THOC2: variants seen among roughly 807,000 people sequenced by gnomAD.
THOC2 encodes the protein THO complex subunit 2.
In THOC2, 10 loss-of-function variants were observed where a neutral mutation model predicts 128.4. That is an observed-to-expected ratio of 0.08 (90% CI 0.05 to 0.13). THOC2 has a LOEUF of 0.13. THOC2 is among the 10% of genes least tolerant of loss of function. The probability of loss-of-function intolerance (pLI) is 1.00; values close to 1 mark genes in which losing one functional copy is unlikely to be tolerated. For synonymous variants in THOC2, 393 were observed against 396.9 expected (o/e 0.99, Z 0.12); for missense variants, 535 against 1,155.7 (o/e 0.46, Z 7.79).
chrX:123,719,770 C>CA (rs1290372100), intron 1 of THOC2, among the ~76,000 whole-genome samples: 1,106 of 76,056 alleles, frequency 0.015, 12 homozygotes, highest in Middle Eastern at 0.03. Context: ...CCTGTCTCTA[C>CA]AAAAAAAAAA....
intron 15 of THOC2, among the ~76,000 whole-genome samples, chrX:123,642,296 G>GCA (rs2047954029): frequency 9.1e-6 from 1 of 109,768 alleles, no homozygotes; most frequent in South Asian, 4.0e-4. Context: ...TTGGTGGCAG[G>GCA]CGCCTGTAAT....
chrX:123,607,225 A>G (rs973456785), intron 38 of THOC2, among the ~76,000 whole-genome samples: 4 of 110,961 alleles, frequency 3.6e-5, no homozygotes, highest in African/African-American at 6.6e-5. Context: ...AGACGAGAAA[A>G]GATGACAGAA....
intron 4 of THOC2, among the ~76,000 whole-genome samples, chrX:123,701,559 G>T (rs1344997533): frequency 9.0e-6 from 1 of 110,575 alleles, no homozygotes; most frequent in Non-Finnish European, 1.9e-5. Flanking sequence ...ATTACCCAAA[G>T]AAAGATATAC....
At position 123,642,883 on chromosome X, in the gene THOC2, T is replaced by C. The variant is rs139489856; in HGVS notation, c.1661+1692A>G. ...AGTAGATGGAGGATGGAGTGAGACT[T>C]TTTGCTGTATTTATACCTTTTATAT... On this transcript the variant is annotated intron_variant, in intron 15 of 38. Transcript: ENST00000245838. Among the ~76,000 whole-genome samples, 864 of 111,093 alleles carry C rather than the reference T, an allele frequency of 7.8e-3. 5 individuals are homozygous for C. The highest frequency in any genetic ancestry group is 0.026 in the African/African-American group (805 of 30,544).
At chrX:123,718,449 C>G (rs748019113) in intron 1 of THOC2, among the ~76,000 whole-genome samples, 1 of 111,815 alleles carries the variant, frequency 8.9e-6, no homozygotes, top group East Asian at 2.8e-4. Context: ...AATGGGATTA[C>G]ATCAAACAAA....
At chrX:123,634,910 C>A (rs1402350205) in intron 19 of THOC2, among the ~76,000 whole-genome samples, 1 of 111,953 alleles carries the variant, frequency 8.9e-6, no homozygotes, top group Non-Finnish European at 1.9e-5. Context: ...GAAATAATAC[C>A]TTATGTCCTC....
At chrX:123,633,458 G>A (rs764493204) in intron 20 of THOC2, among the ~76,000 whole-genome samples, 8 of 111,100 alleles carry the variant, frequency 7.2e-5, no homozygotes, top group Non-Finnish European at 1.5e-4. Flanking sequence ...AATGGAGTAC[G>A]ATGGCGAGAT....
At chrX:123,645,195 C>T (rs1042988911) in intron 13 of THOC2, 139 bp downstream of exon 13, 5 of 464,854 alleles carry the variant, frequency 1.1e-5, no homozygotes, top group Admixed American at 5.0e-5. Context: ...TTTGCATATG[C>T]CGCCAAAAAC....
At chrX:123,609,053 C>T (rs1035035719) in intron 38 of THOC2, among the ~76,000 whole-genome samples, 9 of 112,090 alleles carry the variant, frequency 8.0e-5, no homozygotes, top group Non-Finnish European at 1.7e-4. Flanking sequence ...TATTTGGGTA[C>T]TGAGTAAACA....
chrX:123,655,726 G>A (rs189857595), intron 12 of THOC2, among the ~76,000 whole-genome samples: 11 of 110,681 alleles, frequency 9.9e-5, no homozygotes, highest in Admixed American at 1.9e-4. Flanking sequence ...TATTCTGCCT[G>A]CCTAATTTCA....
At chrX:123,694,721 A>G (rs1260629981) in intron 7 of THOC2, among the ~76,000 whole-genome samples, 1 of 112,431 alleles carries the variant, frequency 8.9e-6, no homozygotes, top group East Asian at 2.8e-4. Flanking sequence ...AGAGTCCCAC[A>G]GCCCTAGGGG....
Position 123,627,819 on chromosome X carries a change from G to A in THOC2, c.2631C>T (p.Ser877=). Residue 877 remains serine (S), a synonymous_variant, in exon 23 of 39, where the codon AGC becomes AGT. Coordinates refer to ENST00000245838, the MANE Select transcript of THOC2 (RefSeq NM_001081550.2). ...LHVSKVWDDI[S]PQFYATFWSL... ...ACCAGAATGTAGCATAGAATTGAGG[G>A]CTGATGTCATCCCAGACTTTGGAAA... 1.7e-6 allele frequency: 2 copies of A among 1,211,712 alleles called. No homozygotes were observed. The highest frequency in any genetic ancestry group is 1.1e-6 in the Non-Finnish European group (1 of 895,450).
In THOC2 at chrX:123,607,448, A is replaced by G. The variant is rs1373611595; in HGVS notation, c.*18+3470T>C. Among the ~76,000 whole-genome samples the G allele has an allele frequency of 6.0e-5, 3 of 50,280 alleles. No individual in the cohort carries two copies. In the East Asian group the frequency reaches 4.7e-3, roughly 79 times the overall value. The allele number at this position is 50,280 out of a possible 115,157, so 43.7% of individuals were successfully genotyped here. On this transcript the variant is annotated intron_variant, in intron 38 of 38. Coordinates refer to ENST00000245838, the MANE Select transcript of THOC2 (RefSeq NM_001081550.2). Reference sequence around the variant, plus strand: ...ATACTACCATGCCTAGCTAAGTTTTATTTATTTATTTATTTATTTATTTAT... The same window carrying G: ...ATACTACCATGCCTAGCTAAGTTTTGTTTATTTATTTATTTATTTATTTAT...
At chrX:123,674,424 T>A (rs2049400669) in intron 8 of THOC2, among the ~76,000 whole-genome samples, 1 of 112,256 alleles carries the variant, frequency 8.9e-6, no homozygotes, top group Admixed American at 9.5e-5. Flanking sequence ...TATGTTTCCA[T>A]ACTTTCAGTT....
At chrX:123,626,807 T>A in intron 23 of THOC2, 145 bp from the exon 24 acceptor site, 1 of 497,470 alleles carries the variant, frequency 2.0e-6, no homozygotes, top group Non-Finnish European at 3.1e-6. Context: ...TACTTTTATC[T>A]CCATTCAACA....
At chrX:123,672,826 T>C (rs1215679550) in intron 8 of THOC2, among the ~76,000 whole-genome samples, 2 of 112,382 alleles carry the variant, frequency 1.8e-5, no homozygotes, top group African/African-American at 6.5e-5. Flanking sequence ...TGGCCAAATG[T>C]AAATAAAAAG....
At position 123,627,825 on chromosome X, in the gene THOC2, G is replaced by A. The variant is rs1206282195; in HGVS notation, c.2625C>T (p.Asp875=). ...VSLHVSKVWD[D]ISPQFYATFW... is the part of the protein sequence containing the mutation. Reference sequence around the variant, plus strand: ...ATGTAGCATAGAATTGAGGGCTGATGTCATCCCAGACTTTGGAAACATGTA... The same window carrying A: ...ATGTAGCATAGAATTGAGGGCTGATATCATCCCAGACTTTGGAAACATGTA... The change falls in exon 23 of 39, where the codon GAC becomes GAT. Residue 875 remains aspartate, a synonymous_variant. Coordinates refer to ENST00000245838, the MANE Select transcript of THOC2 (RefSeq NM_001081550.2). 8.3e-7 allele frequency: 1 copy of A among 1,211,839 alleles called. No homozygotes were observed. The highest frequency in any genetic ancestry group is 1.1e-6 in the Non-Finnish European group (1 of 895,510).
intron 8 of THOC2, among the ~76,000 whole-genome samples, chrX:123,680,965 T>TTCTCTC (rs374368414): frequency 1.9e-5 from 2 of 105,078 alleles, no homozygotes; most frequent in East Asian, 6.0e-4. Flanking sequence ...CACACATGCA[T>TTCTCTC]TCTCTCTCTC....
intron 18 of THOC2, among the ~76,000 whole-genome samples, chrX:123,637,086 G>A (rs1376259255): frequency 9.0e-6 from 1 of 111,405 alleles, no homozygotes; most frequent in Admixed American, 9.6e-5. Context: ...TGAATAATGG[G>A]CAAAAGTTCA....
Sources: allele counts gnomAD v4.1 joint callset (sites outside exome capture counted in the v4.1 genomes callset), GRCh38; gene constraint gnomAD v4.1.1; transcripts MANE v1.5; gene names NCBI Gene and HGNC (gene_info 2026-07-23, HGNC 2026-07-21).